The following NRP1 variants were observed in gnomAD, a reference collection of about 807,000 sequenced individuals.
NRP1 encodes neuropilin-1.
A neutral mutation model predicts 106.7 loss-of-function variants in NRP1; 35 were observed. The observed-to-expected ratio is 0.33, with a 90% confidence interval of 0.25 to 0.43. The LOEUF is 0.43. NRP1 is among the 20% of genes least tolerant of loss of function. NRP1 has a pLI of 1.00. For synonymous variants in NRP1, 437 were observed against 417.9 expected, an observed-to-expected ratio of 1.05 and a Z score of -0.56; for missense variants, 1,024 against 1,170.4, an observed-to-expected ratio of 0.87 and a Z score of 1.83.
intron 2 of NRP1, among the ~76,000 whole-genome samples, chr10:33,326,395 C>T (rs1354679982): frequency 6.6e-6 from 1 of 152,110 alleles, no homozygotes; most frequent in African/African-American, 2.4e-5. Context: ...TATTTCTTTT[C>T]TATTTTTAAT....
intron 2 of NRP1, among the ~76,000 whole-genome samples, chr10:33,326,363 A>C (rs1373336280): frequency 6.6e-6 from 1 of 152,140 alleles, no homozygotes; most frequent in Admixed American, 6.5e-5. Flanking sequence ...TGTTTCCGAA[A>C]ACTCTCCACT....
At chr10:33,197,132 G>A (rs1836843271) in intron 12 of NRP1, among the ~76,000 whole-genome samples, 1 of 152,124 alleles carries the variant, frequency 6.6e-6, no homozygotes, top group Non-Finnish European at 1.5e-5. Flanking sequence ...AAAGGATGAG[G>A]AGGTGCTGTT....
intron 4 of NRP1, among the ~76,000 whole-genome samples, chr10:33,258,019 C>T (rs548726397): frequency 2.6e-5 from 4 of 152,240 alleles, no homozygotes; most frequent in African/African-American, 7.2e-5. Flanking sequence ...TTAACAGGGA[C>T]GTGGTGTTTC....
intron 2 of NRP1, among the ~76,000 whole-genome samples, chr10:33,311,088 A>C (rs532624465): frequency 6.6e-6 from 1 of 152,340 alleles, no homozygotes; most frequent in East Asian, 1.9e-4. Flanking sequence ...GGCAAAGAAG[A>C]CAAACATCTA....
intron 8 of NRP1, chr10:33,213,952 C>T: frequency 3.7e-6 from 2 of 537,528 alleles, no homozygotes; most frequent in Non-Finnish European, 6.5e-6. Flanking sequence ...TAAGAACATA[C>T]ATTTCCCCCG....
chr10:33,203,623 T>C (rs1837518463), intron 10 of NRP1, among the ~76,000 whole-genome samples: 1 of 152,076 alleles, frequency 6.6e-6, no homozygotes, highest in Non-Finnish European at 1.5e-5. Context: ...CCCGGGGTCA[T>C]TTTACATGAA....
chr10:33,308,565 C>T (rs1374470213), intron 2 of NRP1, among the ~76,000 whole-genome samples: 1 of 152,052 alleles, frequency 6.6e-6, no homozygotes, highest in Non-Finnish European at 1.5e-5. Flanking sequence ...CGGCTCACTG[C>T]AGCCTCTGCC....
At chr10:33,334,226 G>A in intron 1 of NRP1, 84 bp downstream of exon 1, 2 of 1,283,954 alleles carry the variant, frequency 1.6e-6, no homozygotes, top group Non-Finnish European at 2.2e-6. Context: ...GCTGATCCCG[G>A]GAAGCCCCGC....
chr10:33,185,998 C>A (rs1835981483), intron 14 of NRP1, among the ~76,000 whole-genome samples: 1 of 152,180 alleles, frequency 6.6e-6, no homozygotes, highest in African/African-American at 2.4e-5. Context: ...GACACGGAAG[C>A]CCTTTGTGTT....
chr10:33,300,494 C>G (rs1002670399), intron 2 of NRP1, among the ~76,000 whole-genome samples: 1 of 152,260 alleles, frequency 6.6e-6, no homozygotes, highest in East Asian at 1.9e-4. Flanking sequence ...GATTATCTGA[C>G]AGGAGGATGC....
chr10:33,189,591 C>T (rs1396064625), intron 13 of NRP1, among the ~76,000 whole-genome samples: 2 of 152,202 alleles, frequency 1.3e-5, no homozygotes, highest in Admixed American at 1.3e-4. Context: ...TCTCAAATAC[C>T]ACTTGTTCAC....
At chr10:33,275,525 G>A (rs567203751) in intron 2 of NRP1, among the ~76,000 whole-genome samples, 4 of 151,956 alleles carry the variant, frequency 2.6e-5, no homozygotes, top group South Asian at 2.1e-4. Context: ...CCGAGATGGC[G>A]CCACTGCACA....
At chr10:33,235,313 C>T (rs1410635916) in intron 6 of NRP1, among the ~76,000 whole-genome samples, 1 of 152,168 alleles carries the variant, frequency 6.6e-6, no homozygotes, top group Non-Finnish European at 1.5e-5. Flanking sequence ...TTCCAGAATC[C>T]AGCTACCCAA....
Position 33,197,086 on chromosome 10 carries a change from G to A in NRP1, c.1924+564C>T, listed in dbSNP as rs192248249. The stretch of plus-strand genomic sequence containing the variant: ...ACTGGCCCCTGATCGACAGCAAACC[G>A]AGGGCTTTAAAAGTCGTTACGCTTT... On this transcript the variant is annotated intron_variant, in intron 12 of 16. Transcript: ENST00000374867. 5.0e-3 allele frequency among the ~76,000 whole-genome samples: 759 copies of A among 152,260 alleles called. 5 individuals carry two copies. The highest frequency in any genetic ancestry group is 8.4e-3 in the Non-Finnish European group (573 of 68,024).
intron 12 of NRP1, among the ~76,000 whole-genome samples, chr10:33,196,645 C>T (rs1348883382): frequency 1.3e-5 from 2 of 152,160 alleles, no homozygotes; most frequent in Non-Finnish European, 1.5e-5. Context: ...ATTTTGTCAA[C>T]CTGAACATGC....
At chr10:33,193,743 T>C (rs1006083952) in intron 12 of NRP1, among the ~76,000 whole-genome samples, 6 of 152,198 alleles carry the variant, frequency 3.9e-5, no homozygotes, top group Admixed American at 1.3e-4. Flanking sequence ...CTTGTCTCCA[T>C]GGCCCCTCCC....
At chr10:33,263,548 T>A (rs1012685773) in intron 4 of NRP1, 98 bp downstream of exon 4, 3 of 839,304 alleles carry the variant, frequency 3.6e-6, no homozygotes, top group Non-Finnish European at 3.7e-6. Flanking sequence ...CCTTTTGAGG[T>A]TTTTTTTAAT....
At chr10:33,192,259 G>C (rs777157026) in intron 13 of NRP1, 22 bp downstream of exon 13, 2 of 1,602,866 alleles carry the variant, frequency 1.2e-6, no homozygotes, top group South Asian at 1.1e-5. Context: ...AAGCCATGCA[G>C]CCGAAGTGAA....
intron 9 of NRP1, among the ~76,000 whole-genome samples, chr10:33,208,640 C>G (rs1186113298): frequency 6.6e-6 from 1 of 152,150 alleles, no homozygotes; most frequent in Admixed American, 6.5e-5. Context: ...ATTGTCTCAT[C>G]ATAAGGAATG....
Sources: allele counts gnomAD v4.1 joint callset (sites outside exome capture counted in the v4.1 genomes callset), GRCh38; gene constraint gnomAD v4.1.1; transcripts MANE v1.5; gene names NCBI Gene and HGNC (gene_info 2026-07-23, HGNC 2026-07-21).